ARHGAP6: variants seen among roughly 807,000 people sequenced by gnomAD.
The protein encoded by ARHGAP6 is Rho GTPase activating protein 6, also known as rho GTPase-activating protein 6.
ARHGAP6 carries 16 observed loss-of-function variants against 55.7 expected under a neutral mutation model. The ratio of observed to expected loss-of-function variants is 0.29; its 90% CI spans 0.19 to 0.44. ARHGAP6 has a LOEUF of 0.44. ARHGAP6 is among the 20% of genes least tolerant of loss of function. The pLI, the probability that ARHGAP6 is intolerant of heterozygous loss-of-function variation, is 1.00. For missense variants in ARHGAP6, 698 were observed against 808.9 expected (o/e 0.86, Z 1.66); for synonymous variants, 382 against 360.9 (o/e 1.06, Z -0.66).
chrX:11,458,391 A>C (rs2050213601), intron 1 of ARHGAP6, among the ~76,000 whole-genome samples: 2 of 112,253 alleles, frequency 1.8e-5, no homozygotes, highest in African/African-American at 6.5e-5. Context: ...TGGATCCAAA[A>C]TCCAGTGCAT....
rs1601743692 is a variant in ARHGAP6 at position 11,665,132 on chromosome X, G to C, written c.-304C>G. On this transcript the variant is annotated 5_prime_UTR_variant, in exon 1 of 13. Transcript: ENST00000337414. ...AGAGGGTCAGGAAGAGGAGGAGGAAGGTCAGGCGCTCGCTGGGTTCCCAGC... is the reference window on the plus strand; with the variant it reads ...AGAGGGTCAGGAAGAGGAGGAGGAACGTCAGGCGCTCGCTGGGTTCCCAGC... The C allele has an allele frequency of 4.6e-5, 11 of 239,566 alleles. No homozygotes were observed. In the East Asian group the frequency reaches 7.3e-4, roughly 16 times the overall value. 19.7% of individuals were successfully genotyped at this position (239,566 alleles called of 1,213,427 possible). A position where few individuals can be genotyped will look rare whatever the true frequency, so the allele number is the denominator to read the frequency against.
chrX:11,571,709 A>AAATAATAATAATAATAATAATAAT (rs565943916), intron 1 of ARHGAP6, among the ~76,000 whole-genome samples: 5 of 95,784 alleles, frequency 5.2e-5, no homozygotes, highest in Non-Finnish European at 8.1e-5. Flanking sequence ...CTTGTATATT[A>AAATAATAATAATAATAATAATAAT]AATAATAATA....
intron 2 of ARHGAP6, among the ~76,000 whole-genome samples, chrX:11,238,450 G>A (rs1393836394): frequency 2.7e-5 from 3 of 111,946 alleles, no homozygotes. Context: ...ATAGTCAACA[G>A]TTGTATGAAT....
intron 1 of ARHGAP6, among the ~76,000 whole-genome samples, chrX:11,520,779 C>T (rs772179114): frequency 1.2e-4 from 13 of 111,755 alleles, no homozygotes; most frequent in East Asian, 1.1e-3. Context: ...GTCCCAACAA[C>T]GGTGTAAAAG....
intron 1 of ARHGAP6, among the ~76,000 whole-genome samples, chrX:11,345,972 T>C (rs1407786008): frequency 9.0e-6 from 1 of 110,584 alleles, no homozygotes; most frequent in Non-Finnish European, 1.9e-5. Context: ...AGGCACATTT[T>C]TTTTTTTTAA....
chrX:11,334,603 T>G (rs1213990707), intron 1 of ARHGAP6: 2 of 121,520 alleles, frequency 1.6e-5, no homozygotes, highest in Non-Finnish European at 3.3e-5. Flanking sequence ...GATCTTCAAC[T>G]GACTCCCCTC....
At chrX:11,179,265 C>T (rs2046279004) in intron 7 of ARHGAP6, 37 bp downstream of exon 7, 2 of 1,146,755 alleles carry the variant, frequency 1.7e-6, no homozygotes, top group Non-Finnish European at 2.3e-6. Flanking sequence ...TCTTAGTATT[C>T]CAGGGCCACT....
chrX:11,663,199 C>G (rs2052719610), intron 1 of ARHGAP6, among the ~76,000 whole-genome samples: 2 of 112,513 alleles, frequency 1.8e-5, no homozygotes, highest in Admixed American at 9.4e-5. Context: ...CACATTAACA[C>G]AGCTGAGTAT....
Position 11,144,054 on chromosome X carries a change from CCTGGCA to C in ARHGAP6, c.2096_2101del (p.Val699_Pro700del). 8.3e-7 allele frequency: 1 copy of C among 1,211,468 alleles called. No homozygotes were observed. Among genetic ancestry groups the C allele is most frequent in the East Asian group, 3.0e-5 (1 of 33,829 alleles). On this transcript the variant is annotated inframe_deletion, in exon 11 of 13. Coordinates refer to ENST00000337414, the MANE Select transcript of ARHGAP6 (RefSeq NM_013427.3). ...CAAGTGGCCCACCAGCATAAACTGC[CCTGGCA>C]CTCTGTAAAGCTTCTCCGAGCCCCC... is the stretch of plus-strand genomic sequence containing the variant.
chrX:11,644,000 A>G (rs2147190058), intron 1 of ARHGAP6, among the ~76,000 whole-genome samples: 1 of 112,042 alleles, frequency 8.9e-6, no homozygotes, highest in East Asian at 2.8e-4. Flanking sequence ...CATGTGCAAA[A>G]TTAACTATCC....
intron 9 of ARHGAP6, among the ~76,000 whole-genome samples, chrX:11,168,731 T>C (rs2046049086): frequency 8.9e-6 from 1 of 112,276 alleles, no homozygotes; most frequent in African/African-American, 3.2e-5. Context: ...CCTGTAAATT[T>C]TGACATGCAA....
At chrX:11,351,491 T>C in intron 1 of ARHGAP6, 2 of 945,797 alleles carry the variant, frequency 2.1e-6, no homozygotes, top group South Asian at 2.2e-5. Flanking sequence ...AGGATTCCCC[T>C]CCATCTCGTC....
intron 1 of ARHGAP6, among the ~76,000 whole-genome samples, chrX:11,571,569 A>C (rs1217095944): frequency 9.1e-6 from 1 of 110,072 alleles, no homozygotes; most frequent in Non-Finnish European, 1.9e-5. Context: ...TTAGTCCTTT[A>C]AAAGGAAGAA....
At position 11,191,284 on chromosome X, in the gene ARHGAP6, C is replaced by T. The variant is rs1015403152; in HGVS notation, c.821-2300G>A. Among the ~76,000 whole-genome samples the T allele has an allele frequency of 2.7e-5, 3 of 111,562 alleles. No homozygotes were observed. In the Admixed American group the frequency reaches 2.9e-4, roughly 11 times the overall value. ...TTCTTTCAATTCTGTAGCCTAGGGG[C>T]TCAATTTGTCTCACTCCAGCCTCCG... On this transcript the variant is annotated intron_variant, in intron 3 of 12. Coordinates refer to ENST00000337414, the MANE Select transcript of ARHGAP6 (RefSeq NM_013427.3).
intron 1 of ARHGAP6, among the ~76,000 whole-genome samples, chrX:11,425,719 C>T (rs1476003017): frequency 8.9e-6 from 1 of 112,439 alleles, no homozygotes; most frequent in Non-Finnish European, 1.9e-5. Flanking sequence ...ATCAGACAGC[C>T]TAATTAAATG....
At chrX:11,470,162 T>C (rs1036331091) in intron 1 of ARHGAP6, among the ~76,000 whole-genome samples, 1 of 111,980 alleles carries the variant, frequency 8.9e-6, no homozygotes, top group Admixed American at 9.5e-5. Flanking sequence ...TGAACATTGA[T>C]AAATAAATGA....
intron 1 of ARHGAP6, among the ~76,000 whole-genome samples, chrX:11,448,645 T>G (rs1306597838): frequency 9.0e-6 from 1 of 111,379 alleles, no homozygotes; most frequent in Non-Finnish European, 1.9e-5. Context: ...GCTGTATAGT[T>G]GTGATATAAT....
At chrX:11,201,332 A>G (rs966271058) in intron 2 of ARHGAP6, among the ~76,000 whole-genome samples, 13 of 112,442 alleles carry the variant, frequency 1.2e-4, no homozygotes, top group African/African-American at 4.2e-4. Context: ...GTGTTTATTG[A>G]GTAAGTACTA....
chrX:11,387,464 CAA>C (rs1392168663), intron 1 of ARHGAP6, among the ~76,000 whole-genome samples: 1 of 111,997 alleles, frequency 8.9e-6, no homozygotes, highest in East Asian at 2.8e-4. Flanking sequence ...TAATTGTAGC[CAA>C]AGTCATTTCC....
Sources: gnomAD v4.1 joint callset for allele counts (sites outside exome capture counted in the v4.1 genomes callset) on GRCh38, gnomAD v4.1.1 for gene constraint, MANE v1.5 for transcripts, NCBI Gene and HGNC (gene_info 2026-07-23, HGNC 2026-07-21) for gene names.